The following NTPCR variants were observed in gnomAD, a reference collection of about 807,000 sequenced individuals.
NTPCR encodes cancer-related nucleoside-triphosphatase.
A neutral mutation model predicts 19.5 loss-of-function variants in NTPCR; 15 were observed. The observed-to-expected ratio is 0.77, with a 90% CI of 0.51 to 1.18. NTPCR has a LOEUF of 1.18. Ranked by LOEUF, NTPCR falls within the 50% of genes most tolerant of loss-of-function variation. NTPCR has a pLI of 0.00. For synonymous variants in NTPCR, 90 were observed against 95.8 expected (o/e 0.94, Z 0.36); for missense variants, 206 against 240.4 (o/e 0.86, Z 0.95).
intron 3 of NTPCR, chr1:232,965,217 G>A (rs746394764): frequency 1.3e-5 from 2 of 152,224 alleles, no homozygotes; most frequent in African/African-American, 2.4e-5. Flanking sequence ...GGAGAGGAAA[G>A]CAGTTTCTTC....
At chr1:232,970,171 A>G (rs1668937162) in intron 4 of NTPCR, 53 bp downstream of exon 4, 2 of 1,395,862 alleles carry the variant, frequency 1.4e-6, no homozygotes, top group Non-Finnish European at 1.0e-6. Context: ...ATGATCTAAA[A>G]TAGCAGATGG....
At chr1:232,960,082 G>A (rs1362450338) in intron 3 of NTPCR, among the ~76,000 whole-genome samples, 1 of 151,656 alleles carries the variant, frequency 6.6e-6, no homozygotes, top group African/African-American at 2.4e-5. Flanking sequence ...GGGTATGGTG[G>A]CACATGCCCG....
chr1:232,966,506 T>C (rs1421071806), intron 3 of NTPCR: 1 of 152,244 alleles, frequency 6.6e-6, no homozygotes, highest in Non-Finnish European at 1.5e-5. Context: ...TTATATGTTC[T>C]TTGTATTTTT....
At chr1:232,972,945 G>A (rs1345074778) in intron 4 of NTPCR, among the ~76,000 whole-genome samples, 1 of 152,178 alleles carries the variant, frequency 6.6e-6, no homozygotes, top group Non-Finnish European at 1.5e-5. Flanking sequence ...AGGGAAGGGA[G>A]AGATCTATGT....
intron 4 of NTPCR, chr1:232,976,479 G>A (rs1332673249): frequency 6.5e-7 from 1 of 1,548,712 alleles, no homozygotes; most frequent in East Asian, 2.4e-5. Context: ...CCCCTGTGGT[G>A]CCCACCTCTG....
chr1:232,973,122 T>C (rs577222756), intron 4 of NTPCR, among the ~76,000 whole-genome samples: 22 of 152,282 alleles, frequency 1.4e-4, no homozygotes, highest in African/African-American at 5.3e-4. Flanking sequence ...AGTGTGAAGA[T>C]GAGACTGAGC....
chr1:232,973,069 G>A (rs1179587620), intron 4 of NTPCR, among the ~76,000 whole-genome samples: 2 of 152,210 alleles, frequency 1.3e-5, no homozygotes, highest in African/African-American at 4.8e-5. Flanking sequence ...GCTATGAAAA[G>A]GGGTCAGAGT....
chr1:232,954,031 T>G (rs113177769), intron 1 of NTPCR, among the ~76,000 whole-genome samples: 172 of 152,356 alleles, frequency 1.1e-3, no homozygotes, highest in African/African-American at 4.0e-3. Context: ...TTCCTGAGGA[T>G]GAATTCCTAG....
chr1:232,975,751 A>C (rs576105122), intron 4 of NTPCR, among the ~76,000 whole-genome samples: 48 of 152,220 alleles, frequency 3.2e-4, no homozygotes, highest in African/African-American at 1.1e-3. Flanking sequence ...TCTTTCTCTT[A>C]AGGCTCCAGT....
At position 232,950,634 on chromosome 1, in the gene NTPCR, TG is replaced by T. The variant is rs1668332182; in HGVS notation, c.-75del. 8.1e-7 allele frequency: 1 copy of T among 1,234,690 alleles called. No homozygotes were observed. The highest frequency in any genetic ancestry group is 1.2e-6 in the Non-Finnish European group (1 of 843,138). The allele number at this position is 1,234,690 out of a possible 1,614,324, so 76.5% of individuals were successfully genotyped here. ...GTGGGCGGGTCCTGAGTCGCGACCC[TG>T]GTCCGGACCTGACCTGAATTGCGAC... On this transcript the variant is annotated 5_prime_UTR_variant, in exon 1 of 5. Transcript: ENST00000366628.
intron 4 of NTPCR, among the ~76,000 whole-genome samples, chr1:232,973,505 C>G (rs943685937): frequency 6.6e-6 from 1 of 152,150 alleles, no homozygotes; most frequent in African/African-American, 2.4e-5. Context: ...AACAACACAA[C>G]AGACACAACT....
At chr1:232,972,759 G>A (rs916317555) in intron 4 of NTPCR, among the ~76,000 whole-genome samples, 2 of 152,192 alleles carry the variant, frequency 1.3e-5, no homozygotes, top group African/African-American at 4.8e-5. Flanking sequence ...GCAAACTTAG[G>A]TGTTGGATTA....
rs1225825542 is a variant in NTPCR, at chr1:232,980,327, T to A, written c.*2096T>A. The A allele has an allele frequency of 6.6e-6, 1 of 152,108 alleles. No individual in the cohort carries two copies. The highest frequency in any genetic ancestry group is 1.9e-4 in the East Asian group (1 of 5,184). 9.4% of individuals were successfully genotyped at this position (152,108 alleles called of 1,614,324 possible). A position where few individuals can be genotyped will look rare whatever the true frequency, so the allele number is the denominator to read the frequency against. ...AAGAGACAAGCTTGGAGTGTTTAAG[T>A]GGTTCGTTCAGGAGCACAGTGATAG... On this transcript the variant is annotated 3_prime_UTR_variant, in exon 5 of 5. Coordinates refer to ENST00000366628, the MANE Select transcript of NTPCR (RefSeq NM_032324.3).
chr1:232,975,407 A>G (rs2102759624), intron 4 of NTPCR, among the ~76,000 whole-genome samples: 1 of 152,342 alleles, frequency 6.6e-6, no homozygotes, highest in South Asian at 2.1e-4. Context: ...CAGATGCAGT[A>G]CCAGATACTG....
chr1:232,962,090 C>T (rs1409523141), intron 3 of NTPCR: 1 of 152,146 alleles, frequency 6.6e-6, no homozygotes, highest in African/African-American at 2.4e-5. Context: ...ACGTGCCAGG[C>T]ATGAACTCAC....
chr1:232,970,966 T>C (rs1471554274), intron 4 of NTPCR, among the ~76,000 whole-genome samples: 1 of 152,224 alleles, frequency 6.6e-6, no homozygotes, highest in Non-Finnish European at 1.5e-5. Flanking sequence ...AGTTCTCATG[T>C]GGTTTTTAGG....
At chr1:232,959,459 A>T (rs560375360) in intron 3 of NTPCR, among the ~76,000 whole-genome samples, 1 of 152,318 alleles carries the variant, frequency 6.6e-6, no homozygotes, top group Non-Finnish European at 1.5e-5. Context: ...ATTCTCACCC[A>T]GTCAGGGTCA....
intron 3 of NTPCR, among the ~76,000 whole-genome samples, chr1:232,960,538 T>C (rs911426229): frequency 3.9e-5 from 6 of 151,942 alleles, no homozygotes; most frequent in African/African-American, 1.5e-4. Flanking sequence ...GAGACGGGGT[T>C]TCACCATCAT....
rs200619670 is a variant in NTPCR at position 232,974,525 on chromosome 1, T to TA, written c.505-3630dup. On this transcript the variant is annotated intron_variant, in intron 4 of 4. Coordinates refer to ENST00000366628, the MANE Select transcript of NTPCR (RefSeq NM_032324.3). ...AAAACGATAACATTCTCTGATGTGTTAAAAAAAATAGCTGAAAAAAGAAAA... is the reference window on the plus strand; with the variant it reads ...AAAACGATAACATTCTCTGATGTGTTAAAAAAAAATAGCTGAAAAAAGAAAA... Among the ~76,000 whole-genome samples, 824 of 151,934 alleles carry TA rather than the reference T, an allele frequency of 5.4e-3. 10 individuals carry two copies. The highest frequency in any genetic ancestry group is 0.019 in the African/African-American group (780 of 41,456).
Sources: allele counts gnomAD v4.1 joint callset (sites outside exome capture counted in the v4.1 genomes callset), GRCh38; gene constraint gnomAD v4.1.1; transcripts MANE v1.5; gene names NCBI Gene and HGNC (gene_info 2026-07-23, HGNC 2026-07-21).